PIAS1: variants seen among roughly 807,000 people sequenced by gnomAD.
PIAS1 encodes E3 SUMO-protein ligase PIAS1.
A neutral mutation model predicts 71.3 loss-of-function variants in PIAS1; 6 were observed. The observed-to-expected ratio is 0.08, with a 90% confidence interval of 0.05 to 0.17. The LOEUF (loss-of-function observed/expected upper bound fraction) is 0.17, where lower values mean the gene tolerates loss of function less well. PIAS1 is among the 10% of genes least tolerant of loss of function. The pLI is 1.00. For missense variants in PIAS1, 555 were observed against 793.6 expected, an observed-to-expected ratio of 0.70 and a Z score of 3.61; for synonymous variants, 303 against 292.9, an observed-to-expected ratio of 1.03 and a Z score of -0.35.
chr15:68,127,204 T>C (rs1217473783), intron 2 of PIAS1, among the ~76,000 whole-genome samples: 8 of 149,040 alleles, frequency 5.4e-5, no homozygotes, highest in Non-Finnish European at 1.0e-4. Flanking sequence ...GATTACAGGC[T>C]TGAGCCACCG....
chr15:68,132,462 G>A (rs1360996870), intron 2 of PIAS1, among the ~76,000 whole-genome samples: 1 of 151,782 alleles, frequency 6.6e-6, no homozygotes, highest in Non-Finnish European at 1.5e-5. Flanking sequence ...GTGACAGAGT[G>A]AGACTCTGTC....
chr15:68,099,026 C>T (rs969136340), intron 2 of PIAS1, among the ~76,000 whole-genome samples: 14 of 152,026 alleles, frequency 9.2e-5, no homozygotes, highest in South Asian at 2.1e-4. Flanking sequence ...GTGCCTTCAA[C>T]GATACCATGT....
At chr15:68,104,209 G>C (rs936233734) in intron 2 of PIAS1, among the ~76,000 whole-genome samples, 3 of 152,146 alleles carry the variant, frequency 2.0e-5, no homozygotes, top group Non-Finnish European at 4.4e-5. Flanking sequence ...TAAAAACTCA[G>C]TCTTAAAATT....
At chr15:68,156,947 G>T (rs1045637283) in intron 7 of PIAS1, among the ~76,000 whole-genome samples, 9 of 152,182 alleles carry the variant, frequency 5.9e-5, no homozygotes, top group African/African-American at 2.2e-4. Context: ...GAACCTGTTT[G>T]TAATAGTATA....
At chr15:68,176,727 C>A in intron 11 of PIAS1, 73 bp downstream of exon 11, 1 of 998,020 alleles carries the variant, frequency 1.0e-6, no homozygotes, top group South Asian at 1.9e-5. Flanking sequence ...AAAGACTTGC[C>A]AAATAAAATG....
At chr15:68,060,660 A>G (rs1178488345) in intron 1 of PIAS1, among the ~76,000 whole-genome samples, 1 of 152,192 alleles carries the variant, frequency 6.6e-6, no homozygotes, top group East Asian at 1.9e-4. Flanking sequence ...ACTATACTGA[A>G]CATTAATATA....
At chr15:68,059,105 C>T (rs368783222) in intron 1 of PIAS1, among the ~76,000 whole-genome samples, 1 of 147,868 alleles carries the variant, frequency 6.8e-6, no homozygotes, top group South Asian at 2.2e-4. Context: ...CCCGGGTTAA[C>T]ACCATTCTCC....
chr15:68,183,798 C>G, intron 13 of PIAS1, 131 bp downstream of exon 13: 1 of 539,924 alleles, frequency 1.9e-6, no homozygotes, highest in Non-Finnish European at 3.4e-6. Flanking sequence ...TGAAAAATCC[C>G]TACATCAATT....
chr15:68,062,798 T>C lies in PIAS1; in HGVS notation c.24+8448T>C, dbSNP rs141253165. 1.1e-3 allele frequency among the ~76,000 whole-genome samples: 162 copies of C among 152,342 alleles called. 1 individual carries two copies. Among genetic ancestry groups the C allele is most frequent in the Middle Eastern group, 3.4e-3 (1 of 294 alleles). On this transcript the variant is annotated intron_variant, in intron 1 of 13. Coordinates refer to ENST00000249636, the MANE Select transcript of PIAS1 (RefSeq NM_016166.3). ...TGTACATGTACATAAATATCTTTTC[T>C]AAAACTGTGAGACCATACCATATGT...
intron 1 of PIAS1, among the ~76,000 whole-genome samples, chr15:68,067,178 AGGCTAGTGGGCAT>A (rs2092038670): frequency 6.6e-6 from 1 of 152,096 alleles, no homozygotes. Context: ...GTGTTACGAG[AGGCTAGTGGGCAT>A]GGTAGGGAAG....
At chr15:68,080,477 C>G (rs2092218903) in intron 1 of PIAS1, among the ~76,000 whole-genome samples, 1 of 152,098 alleles carries the variant, frequency 6.6e-6, no homozygotes, top group African/African-American at 2.4e-5. Flanking sequence ...TTGGGTGAAA[C>G]AAGATTATGG....
intron 1 of PIAS1, among the ~76,000 whole-genome samples, chr15:68,074,882 A>G (rs938539565): frequency 1.4e-5 from 2 of 147,000 alleles, no homozygotes; most frequent in Admixed American, 1.4e-4. Flanking sequence ...TGTTTTGGAT[A>G]TGTTAAAATG....
chr15:68,123,336 G>A (rs1171910195), intron 2 of PIAS1, among the ~76,000 whole-genome samples: 1 of 152,148 alleles, frequency 6.6e-6, no homozygotes, highest in Non-Finnish European at 1.5e-5. Flanking sequence ...ACAGGTGTGA[G>A]CCACCACACC....
At chr15:68,094,093 A>G (rs572498444) in intron 2 of PIAS1, among the ~76,000 whole-genome samples, 88 of 152,036 alleles carry the variant, frequency 5.8e-4, no homozygotes, top group Non-Finnish European at 7.8e-4. Context: ...TTATGAAACA[A>G]TCTTTTCCAT....
chr15:68,152,785 T>C lies in PIAS1; in HGVS notation c.829-805T>C, dbSNP rs560037169. Among the ~76,000 whole-genome samples the C allele has an allele frequency of 1.5e-3, 227 of 152,206 alleles. 4 individuals carry two copies. Among genetic ancestry groups the C allele is most frequent in the African/African-American group, 5.2e-3 (216 of 41,536 alleles). On this transcript the variant is annotated intron_variant, in intron 6 of 13. Coordinates refer to ENST00000249636, the MANE Select transcript of PIAS1 (RefSeq NM_016166.3). ...TAGAAACTGATCCTTCTCATTTAGA[T>C]CTCCTTCCTACCCTTCGTGAACCTC...
chr15:68,172,445 T>G (rs983740151), intron 8 of PIAS1, among the ~76,000 whole-genome samples: 1 of 152,180 alleles, frequency 6.6e-6, no homozygotes, highest in African/African-American at 2.4e-5. Context: ...GTAATGGGAT[T>G]GCTGGGTCAA....
At chr15:68,101,735 T>C (rs1042168754) in intron 2 of PIAS1, among the ~76,000 whole-genome samples, 10 of 152,280 alleles carry the variant, frequency 6.6e-5, no homozygotes, top group Middle Eastern at 3.4e-3. Context: ...TTTAGGTTTC[T>C]AGTCTAACAA....
intron 2 of PIAS1, among the ~76,000 whole-genome samples, chr15:68,097,331 T>C (rs2092384188): frequency 6.6e-6 from 1 of 152,160 alleles, no homozygotes; most frequent in African/African-American, 2.4e-5. Context: ...AAAAGCATCT[T>C]GTCTTTCACC....
intron 6 of PIAS1, among the ~76,000 whole-genome samples, chr15:68,150,597 T>C (rs765576706): frequency 8.5e-5 from 13 of 152,190 alleles, no homozygotes; most frequent in Non-Finnish European, 1.5e-4. Context: ...AGAGCTAGTA[T>C]AGCGCCTGAA....
Sources: gnomAD v4.1 joint callset for allele counts (sites outside exome capture counted in the v4.1 genomes callset) on GRCh38, gnomAD v4.1.1 for gene constraint, MANE v1.5 for transcripts, NCBI Gene and HGNC (gene_info 2026-07-23, HGNC 2026-07-21) for gene names.